The following PELI2 variants were observed in gnomAD, a reference collection of about 807,000 sequenced individuals.
The protein encoded by PELI2 is pellino E3 ubiquitin protein ligase family member 2.
A neutral mutation model predicts 42.3 loss-of-function variants in PELI2; 23 were observed. The ratio of observed to expected loss-of-function variants is 0.54; its 90% confidence interval spans 0.39 to 0.77. The LOEUF (loss-of-function observed/expected upper bound fraction) is 0.77, where lower values mean the gene tolerates loss of function less well. Among genes scored for constraint, PELI2 ranks in the 30% least tolerant of loss-of-function variants. PELI2 has a pLI of 0.00. For synonymous variants in PELI2, 245 were observed against 212.2 expected, an observed-to-expected ratio of 1.15 and a Z score of -1.34; for missense variants, 463 against 553.2, an observed-to-expected ratio of 0.84 and a Z score of 1.64.
chr14:56,169,490 C>T (rs573326323), intron 1 of PELI2, among the ~76,000 whole-genome samples: 1 of 152,328 alleles, frequency 6.6e-6, no homozygotes, highest in South Asian at 2.1e-4. Context: ...TTCAATGCCT[C>T]ACCATTACTG....
intron 3 of PELI2, among the ~76,000 whole-genome samples, chr14:56,280,468 A>G (rs925840692): frequency 6.6e-6 from 1 of 152,026 alleles, no homozygotes; most frequent in African/African-American, 2.4e-5. Context: ...CTTTAAAACA[A>G]CAAACAATTA....
chr14:56,134,327 T>C (rs1408163415), intron 1 of PELI2, among the ~76,000 whole-genome samples: 1 of 152,192 alleles, frequency 6.6e-6, no homozygotes, highest in African/African-American at 2.4e-5. Flanking sequence ...TGAAACATAT[T>C]TTGACAGTGA....
rs1884224197 is a variant in PELI2, at chr14:56,148,684, C to T, written c.78-29651C>T. 2.0e-5 allele frequency among the ~76,000 whole-genome samples: 3 copies of T among 152,210 alleles called. No individual in the cohort carries two copies. The South Asian group carries it at 6.2e-4, about 31-fold the overall frequency. ...CTCCTCTCCTCCTTTCTTCTGTGTT[C>T]TCTGAGCACTTTTGCAAACCTTCCT... On this transcript the variant is annotated intron_variant, in intron 1 of 5. Transcript: ENST00000267460.
At chr14:56,140,577 T>C (rs1021577873) in intron 1 of PELI2, among the ~76,000 whole-genome samples, 7 of 152,366 alleles carry the variant, frequency 4.6e-5, no homozygotes, top group Admixed American at 2.0e-4. Flanking sequence ...TAAAGAGTTA[T>C]ATGCAGATGC....
chr14:56,233,442 G>A (rs77427980), intron 2 of PELI2, among the ~76,000 whole-genome samples: 61,225 of 151,832 alleles, frequency 0.4, 13,062 homozygotes, highest in South Asian at 0.53. Flanking sequence ...GCCCTCAGAA[G>A]TAATACCACA....
At chr14:56,231,326 C>CAA (rs1566652531) in intron 2 of PELI2, among the ~76,000 whole-genome samples, 13 of 151,758 alleles carry the variant, frequency 8.6e-5, no homozygotes, top group Non-Finnish European at 1.6e-4. Context: ...CACCACATTG[C>CAA]ACTTATTCCA....
chr14:56,231,071 A>G (rs1019300927), intron 2 of PELI2, among the ~76,000 whole-genome samples: 1 of 152,222 alleles, frequency 6.6e-6, no homozygotes, highest in Non-Finnish European at 1.5e-5. Context: ...CTAAATATAT[A>G]TGCACCCAAT....
intron 2 of PELI2, among the ~76,000 whole-genome samples, chr14:56,199,987 G>A (rs1886274961): frequency 6.6e-6 from 1 of 152,194 alleles, no homozygotes; most frequent in African/African-American, 2.4e-5. Context: ...GGTAGACAGT[G>A]GGTCTGTATG....
intron 2 of PELI2, among the ~76,000 whole-genome samples, chr14:56,277,193 G>A (rs765934097): frequency 2.6e-5 from 4 of 152,140 alleles, no homozygotes; most frequent in Non-Finnish European, 5.9e-5. Flanking sequence ...GAACTGGGCC[G>A]CACAGCAGGA....
chr14:56,167,801 T>G (rs1396561579), intron 1 of PELI2, among the ~76,000 whole-genome samples: 4 of 152,202 alleles, frequency 2.6e-5, no homozygotes, highest in Admixed American at 2.0e-4. Context: ...TGGGCTTATT[T>G]GTAGCCCTCC....
rs917449129 is a variant in PELI2 at position 56,118,433 on chromosome 14, TC to T, written c.-227del. On this transcript the variant is annotated 5_prime_UTR_variant, in exon 1 of 6. Transcript: ENST00000267460. The stretch of plus-strand genomic sequence containing the variant: ...GGTCCCATTTGTTGCCGGCTCTGAC[TC>T]GGGGCGGCCGCGGCGCGCGGAGCTC... 1 of 294,020 alleles carries T rather than the reference TC, an allele frequency of 3.4e-6. No homozygotes were observed. The highest frequency in any genetic ancestry group is 2.2e-5 in the African/African-American group (1 of 44,942). The allele number at this position is 294,020 out of a possible 1,614,324, so 18.2% of individuals were successfully genotyped here. A position where few individuals can be genotyped will look rare whatever the true frequency, so the allele number is the denominator to read the frequency against.
intron 2 of PELI2, among the ~76,000 whole-genome samples, chr14:56,186,781 A>G (rs1348514384): frequency 6.6e-6 from 1 of 152,218 alleles, no homozygotes; most frequent in Non-Finnish European, 1.5e-5. Context: ...GACTTGATGC[A>G]TGTATTCGTT....
chr14:56,183,143 G>A (rs1885647545), intron 2 of PELI2, among the ~76,000 whole-genome samples: 1 of 152,036 alleles, frequency 6.6e-6, no homozygotes, highest in South Asian at 2.1e-4. Flanking sequence ...AATTTGTTGA[G>A]TATTTTATTT....
rs779950393 is a variant in PELI2, at chr14:56,279,711, C to T, written c.243C>T (p.Tyr81=). The change falls in exon 3 of 6, where the codon TAC becomes TAT. Residue 81 remains tyrosine, a synonymous_variant. Transcript: ENST00000267460. ...GCAAAGGTCAACACAGTATATCCTA[C>T]ACTTTGTCAAGGAATCAGACTGTGG... The part of the protein sequence containing the change: ...ISCKGQHSIS[Y]TLSRNQTVVV... The T allele has an allele frequency of 6.2e-7, 1 of 1,601,842 alleles. No individual in the cohort carries two copies. Among genetic ancestry groups the T allele is most frequent in the Non-Finnish European group, 8.6e-7 (1 of 1,169,302 alleles).
chr14:56,119,193 C>T (rs1425254263), intron 1 of PELI2: 1 of 152,056 alleles, frequency 6.6e-6, no homozygotes, highest in East Asian at 1.9e-4. Context: ...CGTCTTCCCA[C>T]CTCCCTCGCG....
At chr14:56,143,156 A>G (rs537828927) in intron 1 of PELI2, among the ~76,000 whole-genome samples, 1 of 151,220 alleles carries the variant, frequency 6.6e-6, no homozygotes, top group South Asian at 2.1e-4. Flanking sequence ...CATGACCATG[A>G]CTCTTTTGTT....
intron 2 of PELI2, among the ~76,000 whole-genome samples, chr14:56,190,186 CA>C (rs1885909840): frequency 6.6e-6 from 1 of 152,160 alleles, no homozygotes; most frequent in South Asian, 2.1e-4. Context: ...ACCACTTCAT[CA>C]GCAGTTTTTC....
Position 56,188,989 on chromosome 14 carries a change from G to A in PELI2, c.207+10525G>A, listed in dbSNP as rs183793308. On this transcript the variant is annotated intron_variant, in intron 2 of 5. Coordinates refer to ENST00000267460, the MANE Select transcript of PELI2 (RefSeq NM_021255.3). ...AGCCTGACCAATATGGTGAAACCCC[G>A]TCTCTACTAAAAATAGAAAAATCAG... 1.5e-3 allele frequency among the ~76,000 whole-genome samples: 232 copies of A among 152,110 alleles called. 1 individual carries two copies. The highest frequency in any genetic ancestry group is 2.2e-3 in the Non-Finnish European group (152 of 67,998).
Position 56,228,943 on chromosome 14 carries a change from G to T in PELI2, c.207+50479G>T, listed in dbSNP as rs142951599. Among the ~76,000 whole-genome samples the T allele has an allele frequency of 8.5e-3, 1,294 of 152,328 alleles. 7 individuals carry two copies. The highest frequency in any genetic ancestry group is 0.014 in the Non-Finnish European group (965 of 68,032). On this transcript the variant is annotated intron_variant, in intron 2 of 5. Transcript: ENST00000267460. Reference sequence around the variant, plus strand: ...ACAGTCTTAGCAAACAGCACACCAGGAGATTATATCCCACACCTGGCTTGG... The same window carrying T: ...ACAGTCTTAGCAAACAGCACACCAGTAGATTATATCCCACACCTGGCTTGG...
Sources: allele counts gnomAD v4.1 joint callset (sites outside exome capture counted in the v4.1 genomes callset), GRCh38; gene constraint gnomAD v4.1.1; transcripts MANE v1.5; gene names NCBI Gene and HGNC (gene_info 2026-07-23, HGNC 2026-07-21).